The following SPATA9 variants were observed in gnomAD, a reference collection of about 807,000 sequenced individuals.
The protein encoded by SPATA9 is spermatogenesis associated 9, also known as spermatogenesis-associated protein 9.
SPATA9 carries 27 observed loss-of-function variants against 25.5 expected under a neutral mutation model. That is an observed-to-expected ratio of 1.06 (90% CI 0.78 to 1.46). SPATA9 has a LOEUF of 1.46. SPATA9 is among the 40% of genes most tolerant of loss of function. The probability of loss-of-function intolerance (pLI) is 0.00; values close to 1 mark genes in which losing one functional copy is unlikely to be tolerated. For missense variants in SPATA9, 282 were observed against 297.5 expected (o/e 0.95, Z 0.38); for synonymous variants, 102 against 105.7 (o/e 0.97, Z 0.21).
At chr5:95,654,198 A>G (rs761204093), downstream of SPATA9, 16 of 1,613,126 alleles carry the variant, frequency 9.9e-6, no homozygotes, top group Non-Finnish European at 1.3e-5. Context: ...ATTTTCTACC[A>G]CAAGGGAGAA....
chr5:95,710,497 C>T, the SPATA9 span, among the ~76,000 whole-genome samples: 4 of 152,170 alleles, frequency 2.6e-5, no homozygotes, highest in Non-Finnish European at 5.9e-5. Flanking sequence ...TGCTACTGCT[C>T]GCAGGCAACT....
intron 3 of SPATA9, among the ~76,000 whole-genome samples, chr5:95,665,874 C>G (rs1272673063): frequency 2.0e-5 from 3 of 152,080 alleles, no homozygotes; most frequent in Non-Finnish European, 4.4e-5. Context: ...GAGGCTGAGG[C>G]AGGACAATCG....
chr5:95,730,034 G>T, the SPATA9 span, among the ~76,000 whole-genome samples: 4 of 151,734 alleles, frequency 2.6e-5, no homozygotes, highest in Non-Finnish European at 5.9e-5. Flanking sequence ...GATGGTTTAG[G>T]TTCTAGAGAC....
intron 4 of SPATA9, among the ~76,000 whole-genome samples, chr5:95,660,081 A>G (rs746401423): frequency 1.8e-4 from 27 of 152,248 alleles, no homozygotes; most frequent in Non-Finnish European, 3.4e-4. Context: ...ACAAAATACC[A>G]TGAACTGAGT....
upstream of SPATA9, among the ~76,000 whole-genome samples, chr5:95,703,641 A>C (rs1257813778): frequency 1.3e-5 from 2 of 151,368 alleles, no homozygotes; most frequent in African/African-American, 4.9e-5. Context: ...TCTCAAAAAA[A>C]AGTAAAAAAA....
intron 3 of SPATA9, chr5:95,670,955 C>A (rs1415209052): frequency 1.1e-6 from 1 of 949,482 alleles, no homozygotes; most frequent in African/African-American, 1.8e-5. Flanking sequence ...GATTATCAAC[C>A]CTAGCTACTG....
chr5:95,682,160 C>G (rs1753519467), intron 2 of SPATA9, among the ~76,000 whole-genome samples: 1 of 152,082 alleles, frequency 6.6e-6, no homozygotes, highest in South Asian at 2.1e-4. Context: ...TTTATCTTTC[C>G]ATTGTTACAA....
chr5:95,692,930 G>A (rs754556378), intron 1 of SPATA9, among the ~76,000 whole-genome samples: 24 of 152,040 alleles, frequency 1.6e-4, no homozygotes, highest in Admixed American at 2.6e-4. Flanking sequence ...GCAAGAATAC[G>A]ATACATTGAA....
chr5:95,688,038 C>T (rs748956636), intron 1 of SPATA9, among the ~76,000 whole-genome samples: 17 of 152,134 alleles, frequency 1.1e-4, no homozygotes, highest in Non-Finnish European at 2.1e-4. Flanking sequence ...AATAGAACTA[C>T]TACTCGATCT....
chr5:95,677,898 A>C (rs1390425225), intron 2 of SPATA9, among the ~76,000 whole-genome samples: 2 of 152,240 alleles, frequency 1.3e-5, no homozygotes, highest in African/African-American at 4.8e-5. Flanking sequence ...ATTGTAGTAC[A>C]TAATTTAAAG....
At chr5:95,698,689 T>C (rs1303527379) in exon 1 of SPATA9, 2 of 152,156 alleles carry the variant, frequency 1.3e-5, no homozygotes, top group Non-Finnish European at 2.9e-5. Flanking sequence ...GTTCCCTCAC[T>C]CTTCCACTGT....
chr5:95,680,725 C>T (rs1753374167), intron 2 of SPATA9, among the ~76,000 whole-genome samples: 1 of 152,120 alleles, frequency 6.6e-6, no homozygotes, highest in African/African-American at 2.4e-5. Context: ...CTGATGATTC[C>T]CAAATATACA....
rs761460932 is a variant in SPATA9, at chr5:95,658,916, A to G, written c.475-3T>C. ...AGCACAGCATTAACACAGACTGCCT[A>G]TACAATAAAAAGAGTTTGTAAAGTG... On this transcript the variant is annotated splice_region_variant and splice_polypyrimidine_tract_variant and intron_variant, in intron 4 of 4. Transcript: ENST00000274432. 1.5e-5 allele frequency: 24 copies of G among 1,584,066 alleles called. No individual in the cohort carries two copies. Among genetic ancestry groups the G allele is most frequent in the African/African-American group, 8.2e-5 (6 of 73,022 alleles).
intron 3 of SPATA9, among the ~76,000 whole-genome samples, chr5:95,668,228 T>G (rs1752012572): frequency 6.6e-6 from 1 of 152,252 alleles, no homozygotes; most frequent in South Asian, 2.1e-4. Flanking sequence ...TAATTAAAGC[T>G]GATTAGTTTC....
intron 1 of SPATA9, among the ~76,000 whole-genome samples, chr5:95,688,208 T>C (rs1222437051): frequency 6.6e-6 from 1 of 152,176 alleles, no homozygotes; most frequent in Non-Finnish European, 1.5e-5. Context: ...GGTGTGTATA[T>C]ACCATAGAAT....
chr5:95,695,253 C>T (rs1753985981), intron 1 of SPATA9, among the ~76,000 whole-genome samples: 1 of 152,150 alleles, frequency 6.6e-6, no homozygotes, highest in Non-Finnish European at 1.5e-5. Context: ...TTTACCATGT[C>T]AAGTCAATAT....
At chr5:95,688,397 T>G (rs920490665) in intron 1 of SPATA9, among the ~76,000 whole-genome samples, 2 of 152,200 alleles carry the variant, frequency 1.3e-5, no homozygotes, top group Non-Finnish European at 2.9e-5. Flanking sequence ...ACTACAGGCA[T>G]GTGCCATCAT....
At chr5:95,703,093 T>C (rs1243933730), upstream of SPATA9, among the ~76,000 whole-genome samples, 1 of 152,200 alleles carries the variant, frequency 6.6e-6, no homozygotes. Context: ...AGTTTAAGTA[T>C]AAGCAGGGGA....
At position 95,667,287 on chromosome 5, in the gene SPATA9, G is replaced by A. The variant is rs577869066; in HGVS notation, c.379-3239C>T. ...GTGATTTACAGAACAAGGAAACCAA[G>A]AATAGGATCTAGCCTAGTAGCTAAG... On this transcript the variant is annotated intron_variant, in intron 3 of 4. Transcript: ENST00000274432. Among the ~76,000 whole-genome samples, 300 of 121,046 alleles carry A rather than the reference G, an allele frequency of 2.5e-3. 1 individual carries two copies. Among genetic ancestry groups the A allele is most frequent in the African/African-American group, 9.0e-3 (289 of 32,236 alleles). The allele number at this position is 121,046 out of a possible 152,430, so 79.4% of individuals were successfully genotyped here. A position where few individuals can be genotyped will look rare whatever the true frequency, so the allele number is the denominator to read the frequency against.
Sources: allele counts gnomAD v4.1 joint callset (sites outside exome capture counted in the v4.1 genomes callset), GRCh38; gene constraint gnomAD v4.1.1; transcripts MANE v1.5; gene names NCBI Gene and HGNC (gene_info 2026-07-23, HGNC 2026-07-21).